Variants in KLHL12 observed in about 807,000 individuals in gnomAD.
KLHL12 encodes the protein kelch-like protein 12.
In KLHL12, 17 loss-of-function variants were observed where a neutral mutation model predicts 60.8. The ratio of observed to expected loss-of-function variants is 0.28; its 90% CI spans 0.19 to 0.42. The LOEUF is 0.42. KLHL12 is among the 10% of genes least tolerant of loss of function. The probability of loss-of-function intolerance (pLI) is 1.00; values close to 1 mark genes in which losing one functional copy is unlikely to be tolerated. For synonymous variants in KLHL12, 220 were observed against 250.9 expected, an observed-to-expected ratio of 0.88 and a Z score of 1.16; for missense variants, 468 against 722.3, an observed-to-expected ratio of 0.65 and a Z score of 4.04.
chr1:202,919,949 C>T, intron 2 of KLHL12, 41 bp from the exon 3 acceptor site: 2 of 1,532,294 alleles, frequency 1.3e-6, no homozygotes, highest in Non-Finnish European at 1.8e-6. Context: ...GGTTATAATT[C>T]CACAAGATAA....
At chr1:202,908,289 C>T (rs1429901908) in intron 6 of KLHL12, among the ~76,000 whole-genome samples, 1 of 152,148 alleles carries the variant, frequency 6.6e-6, no homozygotes, top group Non-Finnish European at 1.5e-5. Context: ...TAAATTGATA[C>T]CTTGCCCAAC....
At chr1:202,911,728 T>C in intron 4 of KLHL12, 2 of 620,504 alleles carry the variant, frequency 3.2e-6, no homozygotes, top group Non-Finnish European at 5.8e-6. Context: ...ATCACTATGT[T>C]GCAGTTTTCA....
chr1:202,914,833 C>T (rs1660472881), intron 4 of KLHL12: 3 of 150,544 alleles, frequency 2.0e-5, no homozygotes, highest in African/African-American at 7.4e-5. Context: ...CCATTACACT[C>T]CAGCCTGGGC....
At position 202,895,776 on chromosome 1, in the gene KLHL12, C is replaced by A. The variant is rs988361972; in HGVS notation, c.940-59G>T. 115 of 1,336,176 alleles carry A rather than the reference C, an allele frequency of 8.6e-5. 1 individual carries two copies. In the East Asian group the frequency reaches 2.5e-3, roughly 29 times the overall value. The allele number at this position is 1,336,176 out of a possible 1,614,324, so 82.8% of individuals were successfully genotyped here. A position where few individuals can be genotyped will look rare whatever the true frequency, so the allele number is the denominator to read the frequency against. On this transcript the variant is annotated intron_variant, in intron 7 of 11. Transcript: ENST00000367261. This position sits in a 1 kb window ranked among gnomAD's most constrained non-coding sequence, Gnocchi z 4.2. ...TCAGTTAGGCAAGTTTTGGGCCTTA[C>A]CTTTTGCTATCTTCCCTGTTGTATC...
In KLHL12 at chr1:202,891,879, G is replaced by A. The variant is rs575896487; in HGVS notation, c.*654C>T. On this transcript the variant is annotated 3_prime_UTR_variant, in exon 12 of 12. Coordinates refer to ENST00000367261, the MANE Select transcript of KLHL12 (RefSeq NM_021633.4). ...ATGTAATACTTCAGTGCTGTTCTAG[G>A]TTCACTCACAATCAAATTCAGTTTA... 6.6e-6 allele frequency: 1 copy of A among 152,156 alleles called. No individual in the cohort carries two copies. The highest frequency in any genetic ancestry group is 1.9e-4 in the East Asian group (1 of 5,176). 9.4% of individuals were successfully genotyped at this position (152,156 alleles called of 1,614,324 possible). A position where few individuals can be genotyped will look rare whatever the true frequency, so the allele number is the denominator to read the frequency against.
intron 6 of KLHL12, 74 bp from the exon 7 acceptor site, chr1:202,897,034 A>T (rs1659856382): frequency 1.9e-6 from 2 of 1,075,278 alleles, no homozygotes; most frequent in Non-Finnish European, 2.9e-6. Flanking sequence ...GGGAAGTGTC[A>T]ACAGAAACAG....
intron 7 of KLHL12, 48 bp downstream of exon 7, chr1:202,896,806 T>A (rs1446375606): frequency 7.3e-7 from 1 of 1,363,168 alleles, no homozygotes; most frequent in Non-Finnish European, 1.1e-6. Flanking sequence ...AGGCAGAGAC[T>A]GAGGACATTT....
In KLHL12 at chr1:202,893,296, G is replaced by A. The variant is rs1557983764; in HGVS notation, c.1523C>T (p.Thr508Ile). ...DSWTTVTSMT[T>I]PRCYVGATVL... Reference sequence around the variant, plus strand: ...TGTGGCCCCTACATAGCATCGTGGAGTGGTCATACTGGTGACAGTTGTCCA... The same window carrying A: ...TGTGGCCCCTACATAGCATCGTGGAATGGTCATACTGGTGACAGTTGTCCA... Residue 508 changes from threonine to isoleucine, a missense_variant, in exon 11 of 12, where the codon ACT (threonine) becomes ATT (isoleucine). Thr to Ile is a moderately conservative substitution (Grantham distance 89, BLOSUM62 -1). This residue lies in a region of KLHL12 where 68 missense variants were observed against 119.8 expected (regional missense o/e 0.57). Transcript: ENST00000367261. The surrounding 1 kb of genome is among the most constrained non-coding windows in gnomAD (Gnocchi z 4.1). The A allele has an allele frequency of 1.9e-6, 3 of 1,613,324 alleles. No homozygotes were observed. Among genetic ancestry groups the A allele is most frequent in the Middle Eastern group, 1.8e-4 (1 of 5,524 alleles).
In KLHL12 at chr1:202,891,926, A is replaced by T. The variant is rs1226607821; in HGVS notation, c.*607T>A. On this transcript the variant is annotated 3_prime_UTR_variant, in exon 12 of 12. Transcript: ENST00000367261. ...TTTAATTCACTTAATTCTAACTTCA[A>T]TTCTGATATACAAATCCTGACCTCC... 2.6e-5 allele frequency: 4 copies of T among 152,154 alleles called. No homozygotes were observed. The highest frequency in any genetic ancestry group is 5.9e-5 in the Non-Finnish European group (4 of 68,044). The allele number at this position is 152,154 out of a possible 1,614,324, so 9.4% of individuals were successfully genotyped here.
chr1:202,911,322 A>G, intron 4 of KLHL12, 119 bp from the exon 5 acceptor site: 1 of 1,133,416 alleles, frequency 8.8e-7, no homozygotes. Context: ...ATTATTTCCC[A>G]TCTTCCAGAA....
chr1:202,907,856 C>T (rs966125809), intron 6 of KLHL12, among the ~76,000 whole-genome samples: 5 of 151,770 alleles, frequency 3.3e-5, no homozygotes, highest in African/African-American at 4.8e-5. Context: ...TGCAGTGAAC[C>T]GAGATCACGC....
chr1:202,904,902 G>A, intron 6 of KLHL12, among the ~76,000 whole-genome samples: 3 of 152,208 alleles, frequency 2.0e-5, no homozygotes, highest in African/African-American at 7.2e-5. Flanking sequence ...AATGGGTAAG[G>A]TTAATAACTA....
At chr1:202,912,034 G>T in intron 4 of KLHL12, 1 of 786,292 alleles carries the variant, frequency 1.3e-6, no homozygotes, top group East Asian at 2.4e-5. Flanking sequence ...AGCCATGAAT[G>T]CAAGGCCACA....
Position 202,891,600 on chromosome 1 carries a change from G to C in KLHL12, c.*933C>G, listed in dbSNP as rs1659677946. 2 of 152,188 alleles carry C rather than the reference G, an allele frequency of 1.3e-5. No individual in the cohort carries two copies. The allele number at this position is 152,188 out of a possible 1,614,324, so 9.4% of individuals were successfully genotyped here. ...GAAGTGTAATAGTGTAGTAGTATTT[G>C]ATCCAACAAAGAAAGGCTTTCACCC... On this transcript the variant is annotated 3_prime_UTR_variant, in exon 12 of 12. Transcript: ENST00000367261.
At chr1:202,901,151 A>G (rs1166260738) in intron 6 of KLHL12, among the ~76,000 whole-genome samples, 1 of 152,250 alleles carries the variant, frequency 6.6e-6, no homozygotes, top group East Asian at 1.9e-4. Flanking sequence ...TATATTAAAA[A>G]CACAGATAAC....
intron 6 of KLHL12, among the ~76,000 whole-genome samples, chr1:202,906,907 C>T (rs944128710): frequency 7.2e-5 from 11 of 152,124 alleles, no homozygotes; most frequent in Non-Finnish European, 1.6e-4. Context: ...AGTGATCTGC[C>T]CACCTTGGCC....
At chr1:202,923,350 T>C (rs996993287) in intron 2 of KLHL12, among the ~76,000 whole-genome samples, 1 of 152,222 alleles carries the variant, frequency 6.6e-6, no homozygotes, top group African/African-American at 2.4e-5. Context: ...ATGCTTCTGA[T>C]GATCTTGGGT....
intron 1 of KLHL12, among the ~76,000 whole-genome samples, chr1:202,926,350 C>T (rs75561647): frequency 0.027 from 4,161 of 152,232 alleles, 103 homozygotes; most frequent in South Asian, 0.12. Context: ...GTCCACAAGT[C>T]ACAATTAATC....
At position 202,918,444 on chromosome 1, in the gene KLHL12, G is replaced by A. The variant is rs999487315; in HGVS notation, c.350-56C>T. 20 of 1,337,386 alleles carry A rather than the reference G, an allele frequency of 1.5e-5. No homozygotes were observed. The Admixed American group carries it at 2.4e-4, about 16-fold the overall frequency. The allele number at this position is 1,337,386 out of a possible 1,614,324, so 82.8% of individuals were successfully genotyped here. On this transcript the variant is annotated intron_variant, in intron 3 of 11. Coordinates refer to ENST00000367261, the MANE Select transcript of KLHL12 (RefSeq NM_021633.4). ...GAATAGTTGGACAGGTGTGATCTAGGATATATTCTTGTATCTCAGCATCTT... is the reference window on the plus strand; with the variant it reads ...GAATAGTTGGACAGGTGTGATCTAGAATATATTCTTGTATCTCAGCATCTT...
Sources: allele counts gnomAD v4.1 joint callset (sites outside exome capture counted in the v4.1 genomes callset), GRCh38; gene constraint gnomAD v4.1.1; regional missense constraint gnomAD v4.1.1; non-coding constraint Gnocchi (gnomAD v3.1); transcripts MANE v1.5; gene names NCBI Gene and HGNC (gene_info 2026-07-23, HGNC 2026-07-21).